The following TGFB2 variants were observed in gnomAD, a reference collection of about 807,000 sequenced individuals.
The protein encoded by TGFB2 is transforming growth factor beta-2 proprotein.
Under a neutral mutation model 42.7 loss-of-function variants are expected in TGFB2, and 13 were observed. The observed-to-expected ratio is 0.30, with a 90% CI of 0.20 to 0.48. The LOEUF (loss-of-function observed/expected upper bound fraction) is 0.48, where lower values mean the gene tolerates loss of function less well. Among genes scored for constraint, TGFB2 ranks in the 20% least tolerant of loss-of-function variants. The probability of loss-of-function intolerance (pLI) is 0.99; values close to 1 mark genes in which losing one functional copy is unlikely to be tolerated. For synonymous variants in TGFB2, 193 were observed against 193.6 expected (o/e 1.00, Z 0.03); for missense variants, 390 against 517.5 (o/e 0.75, Z 2.39).
intron 4 of TGFB2, among the ~76,000 whole-genome samples, chr1:218,435,327 C>T (rs2102627772): frequency 6.6e-6 from 1 of 152,304 alleles, no homozygotes; most frequent in African/African-American, 2.4e-5. Context: ...AGATTAAATG[C>T]TTAAACTGGC....
rs773908287 is a variant in TGFB2 at position 218,405,387 on chromosome 1, C to G, written c.510+55C>G. On this transcript the variant is annotated intron_variant, in intron 2 of 6. Coordinates refer to ENST00000366930, the MANE Select transcript of TGFB2 (RefSeq NM_003238.6). ...TTGTTGTTGTTGTTTTAGACAGACT[C>G]TCTCTCTCTCTCTCTGTCACAGGCT... 4.4e-6 allele frequency: 6 copies of G among 1,365,818 alleles called. 1 individual carries two copies. Among genetic ancestry groups the G allele is most frequent in the South Asian group, 2.8e-5 (2 of 72,652 alleles). The allele number at this position is 1,365,818 out of a possible 1,614,324, so 84.6% of individuals were successfully genotyped here.
chr1:218,376,974 G>C (rs533313447), intron 1 of TGFB2, among the ~76,000 whole-genome samples: 1 of 152,242 alleles, frequency 6.6e-6, no homozygotes, highest in East Asian at 1.9e-4. Flanking sequence ...GCTCACTGCA[G>C]CCTTGACCTC....
intron 1 of TGFB2, among the ~76,000 whole-genome samples, chr1:218,375,068 T>C (rs1657695898): frequency 6.6e-6 from 1 of 152,224 alleles, no homozygotes; most frequent in Non-Finnish European, 1.5e-5. Context: ...TCCAACAGGC[T>C]GAACGGAGGA....
chr1:218,412,719 T>C (rs1224714822), intron 2 of TGFB2, among the ~76,000 whole-genome samples: 1 of 152,208 alleles, frequency 6.6e-6, no homozygotes, highest in Non-Finnish European at 1.5e-5. Flanking sequence ...GTTAGTTCCC[T>C]TCCTTTGCTG....
intron 1 of TGFB2, among the ~76,000 whole-genome samples, chr1:218,394,416 T>C (rs1558242906): frequency 6.6e-6 from 1 of 152,204 alleles, no homozygotes. Context: ...GGAAACCCCA[T>C]GTCTGACACA....
At chr1:218,428,648 A>C (rs1006922993) in intron 2 of TGFB2, among the ~76,000 whole-genome samples, 23 of 152,192 alleles carry the variant, frequency 1.5e-4, no homozygotes, top group South Asian at 2.1e-4. Context: ...ATGGTCGTAG[A>C]TGTGTGGTGT....
intron 1 of TGFB2, among the ~76,000 whole-genome samples, chr1:218,347,722 C>G (rs1490098601): frequency 3.9e-5 from 6 of 152,172 alleles, no homozygotes; most frequent in Admixed American, 3.9e-4. Context: ...TTCACTTAAC[C>G]TGGAGTGTAG....
At chr1:218,413,359 G>A (rs1382603789) in intron 2 of TGFB2, among the ~76,000 whole-genome samples, 1 of 152,216 alleles carries the variant, frequency 6.6e-6, no homozygotes, top group African/African-American at 2.4e-5. Flanking sequence ...TTGCGTCACT[G>A]TTGGCGCTGG....
At chr1:218,356,354 C>G (rs915262534) in intron 1 of TGFB2, among the ~76,000 whole-genome samples, 1 of 151,792 alleles carries the variant, frequency 6.6e-6, no homozygotes. Flanking sequence ...ATAGTTGGGA[C>G]CACAGGCATG....
At chr1:218,424,489 T>G (rs1659557422) in intron 2 of TGFB2, among the ~76,000 whole-genome samples, 1 of 152,234 alleles carries the variant, frequency 6.6e-6, no homozygotes, top group South Asian at 2.1e-4. Context: ...ACCTGGGAAC[T>G]TGTTAGAAAT....
intron 2 of TGFB2, among the ~76,000 whole-genome samples, chr1:218,428,069 T>A (rs1267582904): frequency 6.6e-6 from 1 of 152,214 alleles, no homozygotes; most frequent in Admixed American, 6.5e-5. Context: ...TTGATTTGCA[T>A]TTCTCTGATG....
At chr1:218,371,888 GTC>G (rs918785604) in intron 1 of TGFB2, among the ~76,000 whole-genome samples, 2 of 152,180 alleles carry the variant, frequency 1.3e-5, no homozygotes, top group African/African-American at 4.8e-5. Flanking sequence ...TTGAACCTTA[GTC>G]TCTTGAGAAT....
intron 1 of TGFB2, among the ~76,000 whole-genome samples, chr1:218,372,686 A>G (rs1325257348): frequency 1.3e-5 from 2 of 152,228 alleles, no homozygotes; most frequent in Non-Finnish European, 2.9e-5. Context: ...CCAAGCACTT[A>G]GGTTCTTTGT....
At chr1:218,347,080 G>A (rs1462696235) in intron 1 of TGFB2, 33 bp downstream of exon 1, 1 of 1,541,586 alleles carries the variant, frequency 6.5e-7, no homozygotes, top group African/African-American at 1.4e-5. Flanking sequence ...ATCCCCTGAG[G>A]TTTAGCTCTG....
intron 1 of TGFB2, among the ~76,000 whole-genome samples, chr1:218,366,603 C>A (rs55919527): frequency 1.3e-5 from 2 of 152,302 alleles, no homozygotes; most frequent in African/African-American, 2.4e-5. Context: ...TGAGCCACTG[C>A]GCCTGACCCG....
chr1:218,379,326 G>A (rs1461764506), intron 1 of TGFB2, among the ~76,000 whole-genome samples: 13 of 151,394 alleles, frequency 8.6e-5, no homozygotes, highest in Admixed American at 8.5e-4. Context: ...GTAGAGACAG[G>A]GTTTCACCGT....
At chr1:218,411,937 G>C (rs532801181) in intron 2 of TGFB2, among the ~76,000 whole-genome samples, 1 of 151,274 alleles carries the variant, frequency 6.6e-6, no homozygotes, top group East Asian at 1.9e-4. Flanking sequence ...TTAATCAAAT[G>C]AACTACAGGG....
chr1:218,354,024 A>C (rs1200190258), intron 1 of TGFB2, among the ~76,000 whole-genome samples: 1 of 152,118 alleles, frequency 6.6e-6, no homozygotes, highest in South Asian at 2.1e-4. Context: ...GGTTATCTCT[A>C]TCTCTCCCTC....
chr1:218,386,093 A>G (rs1658125237), intron 1 of TGFB2, among the ~76,000 whole-genome samples: 1 of 152,134 alleles, frequency 6.6e-6, no homozygotes, highest in South Asian at 2.1e-4. Context: ...GGCTGTTCTG[A>G]GATTTATCAC....
Sources: allele counts gnomAD v4.1 joint callset (sites outside exome capture counted in the v4.1 genomes callset), GRCh38; gene constraint gnomAD v4.1.1; transcripts MANE v1.5; gene names NCBI Gene and HGNC (gene_info 2026-07-23, HGNC 2026-07-21).